CIAO1: variants seen among roughly 807,000 people sequenced by gnomAD.
The protein encoded by CIAO1 is probable cytosolic iron-sulfur protein assembly protein CIAO1.
A neutral mutation model predicts 43.1 loss-of-function variants in CIAO1; 32 were observed. That is an observed-to-expected ratio of 0.74 (90% CI 0.56 to 1.00). The LOEUF is 1.00. Ranked by LOEUF, CIAO1 falls within the 50% of genes least tolerant of loss-of-function variation. CIAO1 has a pLI of 0.00. For missense variants in CIAO1, 415 were observed against 437.4 expected, an observed-to-expected ratio of 0.95 and a Z score of 0.46; for synonymous variants, 183 against 171.4, an observed-to-expected ratio of 1.07 and a Z score of -0.53.
At chr2:96,269,388 C>T (rs982523554) in intron 6 of CIAO1, 33 bp downstream of exon 6, 1 of 1,589,168 alleles carries the variant, frequency 6.3e-7, no homozygotes, top group Non-Finnish European at 8.6e-7. Flanking sequence ...CATCCCATCC[C>T]CATAAATCAG....
chr2:96,273,556 G>C lies in CIAO1; in HGVS notation c.*2205G>C, dbSNP rs966393491. ...AGATCCCTTGTAGTCCCAGCTACTC[G>C]GGAGGCTGAGGCAGGAGAATAGCTT... On this transcript the variant is annotated 3_prime_UTR_variant, in exon 7 of 7. Transcript: ENST00000488633. Among the ~76,000 whole-genome samples, 1 of 151,692 alleles carries C rather than the reference G, an allele frequency of 6.6e-6. No homozygotes were observed.
In CIAO1 at chr2:96,271,479, G is replaced by C; in HGVS notation, c.*128G>C. 1.7e-6 allele frequency: 2 copies of C among 1,168,778 alleles called. No homozygotes were observed. The highest frequency in any genetic ancestry group is 2.4e-6 in the Non-Finnish European group (2 of 844,730). The allele number at this position is 1,168,778 out of a possible 1,614,324, so 72.4% of individuals were successfully genotyped here. On this transcript the variant is annotated 3_prime_UTR_variant, in exon 7 of 7. Transcript: ENST00000488633. ...ACTTGGCTCACTTCTCTTCAGACTT[G>C]GGTAGAAGTGCAGAGCCACAGAATT...
rs34335242 is a variant in CIAO1 at position 96,271,292 on chromosome 2, T to G, written c.961T>G (p.Ser321Ala). The stretch of plus-strand genomic sequence containing the variant: ...CCCCAAGGAGCCAGGGCTACTGGCC[T>G]CCTGCAGTGATGATGGGGAGGTGGC... ...WNPKEPGLLA[S>A]CSDDGEVAFW... Residue 321 changes from serine to alanine, a missense_variant, in exon 7 of 7, where the codon TCC becomes GCC. Ser to Ala is a moderately conservative substitution (Grantham distance 99). Transcript: ENST00000488633. 4.3e-6 allele frequency: 7 copies of G among 1,614,230 alleles called. No individual in the cohort carries two copies. The highest frequency in any genetic ancestry group is 1.6e-4 in the Middle Eastern group (1 of 6,062).
Position 96,266,493 on chromosome 2 carries a change from A to C in CIAO1, c.139+4A>C, listed in dbSNP as rs752745282. The C allele has an allele frequency of 4.0e-6, 6 of 1,513,250 alleles. No homozygotes were observed. The Admixed American group carries it at 1.2e-4, about 29-fold the overall frequency. 93.7% of individuals were successfully genotyped at this position (1,513,250 alleles called of 1,614,324 possible). On this transcript the variant is annotated splice_donor_region_variant and intron_variant, in intron 1 of 6. Transcript: ENST00000488633. ...ATCCGCATCTGGGGCACGGAGGGTA[A>C]GGCCCAGCCTGGTTGCGCGGCCCTC...
In CIAO1 at chr2:96,267,380, G is replaced by A; in HGVS notation, c.199G>A (p.Val67Ile). Reference protein sequence around the residue: ...SEGHQRTVRKVAWSPCGNYLA... With the variant: ...SEGHQRTVRKIAWSPCGNYLA... ...AGGCCACCAGCGCACCGTGCGGAAG[G>A]TAGCCTGGTCCCCCTGCGGTAATTA... The change falls in exon 2 of 7, where the codon GTA (valine) becomes ATA (isoleucine). Residue 67 changes from valine to isoleucine, a missense_variant. Coordinates refer to ENST00000488633, the MANE Select transcript of CIAO1 (RefSeq NM_004804.3). The A allele has an allele frequency of 6.2e-7, 1 of 1,614,186 alleles. No homozygotes were observed. Among genetic ancestry groups the A allele is most frequent in the East Asian group, 2.2e-5 (1 of 44,874 alleles).
rs1386357166 is a variant in CIAO1, at chr2:96,273,950, TG to T, written c.*2600del. Among the ~76,000 whole-genome samples the T allele has an allele frequency of 6.6e-6, 1 of 151,842 alleles. No individual in the cohort carries two copies. The highest frequency in any genetic ancestry group is 1.5e-5 in the Non-Finnish European group (1 of 68,006). On this transcript the variant is annotated 3_prime_UTR_variant, in exon 7 of 7. Coordinates refer to ENST00000488633, the MANE Select transcript of CIAO1 (RefSeq NM_004804.3). Reference sequence around the variant, plus strand: ...TGGGCTGGGCATGGTGGCTCATGCCTGTAATCCCAGCACTCTGGGAGGCTGA... The same window carrying T: ...TGGGCTGGGCATGGTGGCTCATGCCTTAATCCCAGCACTCTGGGAGGCTGA...
chr2:96,267,236 C>T, intron 1 of CIAO1, 85 bp from the exon 2 acceptor site: 2 of 1,408,208 alleles, frequency 1.4e-6, no homozygotes, highest in Non-Finnish European at 1.9e-6. Context: ...CCCCCACTAG[C>T]TTGATTCCAG....
chr2:96,269,783 G>T (rs1684510940), intron 6 of CIAO1, among the ~76,000 whole-genome samples: 1 of 152,152 alleles, frequency 6.6e-6, no homozygotes, highest in Non-Finnish European at 1.5e-5. Flanking sequence ...AAGTAGCTGG[G>T]ATTACAGGCG....
chr2:96,266,825 AGATTT>A (rs569954377), intron 1 of CIAO1, among the ~76,000 whole-genome samples: 87 of 152,312 alleles, frequency 5.7e-4, no homozygotes, highest in African/African-American at 2.0e-3. Context: ...ATTTTAGATC[AGATTT>A]GTTTTAGAAA....
intron 6 of CIAO1, 74 bp from the exon 7 acceptor site, chr2:96,271,037 A>G (rs962871360): frequency 2.5e-6 from 4 of 1,579,410 alleles, no homozygotes; most frequent in African/African-American, 2.7e-5. Context: ...GGAAGAGAAC[A>G]GGCCAGGAAC....
rs1335379094 is a variant in CIAO1, at chr2:96,273,176, T to C, written c.*1825T>C. On this transcript the variant is annotated 3_prime_UTR_variant, in exon 7 of 7. Transcript: ENST00000488633. ...TTGTTGGGGATATTAACAAATGTGA[T>C]TTGTATAATGAAATGCATTTCATTT... The C allele has an allele frequency of 6.6e-6, 1 of 152,200 alleles. No homozygotes were observed. Among genetic ancestry groups the C allele is most frequent in the African/African-American group, 2.4e-5 (1 of 41,444 alleles). 9.4% of individuals were successfully genotyped at this position (152,200 alleles called of 1,614,324 possible). A position where few individuals can be genotyped will look rare whatever the true frequency, so the allele number is the denominator to read the frequency against.
rs774429632 is a variant in CIAO1 at position 96,266,428 on chromosome 2, C to T, written c.78C>T (p.Pro26=). The part of the protein sequence containing the change: ...DSRCWFLAWN[P]AGTLLASCGG... ...GCTGCTGGTTCCTGGCCTGGAACCCCGCGGGGACCCTGCTGGCCTCGTGCG... is the reference window on the plus strand; with the variant it reads ...GCTGCTGGTTCCTGGCCTGGAACCCTGCGGGGACCCTGCTGGCCTCGTGCG... The change falls in exon 1 of 7, where the codon CCC becomes CCT. Residue 26 remains proline (P), a synonymous_variant. Coordinates refer to ENST00000488633, the MANE Select transcript of CIAO1 (RefSeq NM_004804.3). 1.3e-6 allele frequency: 2 copies of T among 1,561,412 alleles called. No individual in the cohort carries two copies. Among genetic ancestry groups the T allele is most frequent in the Non-Finnish European group, 1.7e-6 (2 of 1,150,162 alleles).
chr2:96,269,397 A>C (rs1196568903), intron 6 of CIAO1, 42 bp downstream of exon 6: 1 of 1,577,916 alleles, frequency 6.3e-7, no homozygotes, highest in Non-Finnish European at 8.7e-7. Context: ...CCCATAAATC[A>C]GGGATTTTAG....
Position 96,271,269 on chromosome 2 carries a change from C to T in CIAO1, c.938C>T (p.Pro313Leu), listed in dbSNP as rs755940793. Residue 313 changes from proline (P) to leucine (L), a missense_variant, in exon 7 of 7, where the codon CCC (proline) becomes CTC (leucine). Physicochemically the swap from Pro to Leu is moderately conservative, Grantham distance 98 (BLOSUM62 -3). Coordinates refer to ENST00000488633, the MANE Select transcript of CIAO1 (RefSeq NM_004804.3). ...GATGTCAACTGTGTGGCCTGGAACC[C>T]CAAGGAGCCAGGGCTACTGGCCTCC... ...SQDVNCVAWN[P>L]KEPGLLASCS... is the part of the protein sequence containing the mutation. 6.2e-7 allele frequency: 1 copy of T among 1,614,256 alleles called. No individual in the cohort carries two copies. The highest frequency in any genetic ancestry group is 1.7e-5 in the Admixed American group (1 of 60,030).
At chr2:96,269,826 T>TGCC in intron 6 of CIAO1, among the ~76,000 whole-genome samples, 1 of 152,072 alleles carries the variant, frequency 6.6e-6, no homozygotes, top group Admixed American at 6.5e-5. Flanking sequence ...TTTTTATTTT[T>TGCC]AGTAGAGACG....
At chr2:96,268,360 A>G (rs1684477974) in intron 4 of CIAO1, 97 bp from the exon 5 acceptor site, 1 of 1,032,194 alleles carries the variant, frequency 9.7e-7, no homozygotes, top group Non-Finnish European at 1.5e-6. Flanking sequence ...TCAAATAAAT[A>G]ATAAAATAAA....
At position 96,267,318 on chromosome 2, in the gene CIAO1, T is replaced by C. The variant is rs376370155; in HGVS notation, c.140-3T>C. 6.1e-5 allele frequency: 99 copies of C among 1,611,484 alleles called. No homozygotes were observed. The highest frequency in any genetic ancestry group is 8.1e-5 in the Non-Finnish European group (95 of 1,178,136). On this transcript the variant is annotated splice_region_variant and splice_polypyrimidine_tract_variant and intron_variant, in intron 1 of 6. Transcript: ENST00000488633. The stretch of plus-strand genomic sequence containing the variant: ...CAGAGCCTGGCCTGCGCTCCGCCTT[T>C]AGGTGACAGCTGGATCTGCAAGTCT...
At position 96,273,025 on chromosome 2, in the gene CIAO1, A is replaced by T. The variant is rs975156259; in HGVS notation, c.*1674A>T. The T allele has an allele frequency of 6.6e-6, 1 of 152,216 alleles. No homozygotes were observed. The highest frequency in any genetic ancestry group is 2.4e-5 in the African/African-American group (1 of 41,450). 9.4% of individuals were successfully genotyped at this position (152,216 alleles called of 1,614,324 possible). A position where few individuals can be genotyped will look rare whatever the true frequency, so the allele number is the denominator to read the frequency against. ...GTATTTAGACTTGAATATTTGGCTG[A>T]TATTTTCTGGAAATTAATGGAATGA... On this transcript the variant is annotated 3_prime_UTR_variant, in exon 7 of 7. Transcript: ENST00000488633.
chr2:96,271,423 G>A lies in CIAO1; in HGVS notation c.*72G>A. Reference sequence around the variant, plus strand: ...ATAAGACTTTACCAGCCCCTGAGAGGACCAGGAGGAGCATCCTTGACCTTC... The same window carrying A: ...ATAAGACTTTACCAGCCCCTGAGAGAACCAGGAGGAGCATCCTTGACCTTC... On this transcript the variant is annotated 3_prime_UTR_variant, in exon 7 of 7. Transcript: ENST00000488633. 3 of 1,545,248 alleles carry A rather than the reference G, an allele frequency of 1.9e-6. No individual in the cohort carries two copies. Among genetic ancestry groups the A allele is most frequent in the Non-Finnish European group, 2.6e-6 (3 of 1,142,608 alleles).
Sources: gnomAD v4.1 joint callset for allele counts (sites outside exome capture counted in the v4.1 genomes callset) on GRCh38, gnomAD v4.1.1 for gene constraint, MANE v1.5 for transcripts, NCBI Gene and HGNC (gene_info 2026-07-23, HGNC 2026-07-21) for gene names.